PCM1: variants seen among roughly 807,000 people sequenced by gnomAD.
The protein encoded by PCM1 is pericentriolar material 1 protein.
PCM1 carries 157 observed loss-of-function variants against 241.9 expected under a neutral mutation model. The ratio of observed to expected loss-of-function variants is 0.65; its 90% CI spans 0.57 to 0.74. PCM1 has a LOEUF of 0.74. Ranked by LOEUF, PCM1 falls within the 30% of genes least tolerant of loss-of-function variation. The probability of loss-of-function intolerance (pLI) is 0.00; values close to 1 mark genes in which losing one functional copy is unlikely to be tolerated. For synonymous variants in PCM1, 1,085 were observed against 784.9 expected (o/e 1.38, Z -6.39); for missense variants, 3,478 against 2,360.1 (o/e 1.47, Z -9.81).
chr8:17,927,965 T>A (rs764385061), intron 2 of PCM1: 2 of 148,764 alleles, frequency 1.3e-5, no homozygotes, highest in East Asian at 3.9e-4. Context: ...CCACTAAGGC[T>A]GTTAAAAATA....
At chr8:17,976,073 C>A (rs1440984991) in intron 23 of PCM1, among the ~76,000 whole-genome samples, 1 of 152,164 alleles carries the variant, frequency 6.6e-6, no homozygotes, top group East Asian at 1.9e-4. Flanking sequence ...TGAATCTTTT[C>A]ATTTCTTCCT....
intron 35 of PCM1, among the ~76,000 whole-genome samples, chr8:18,014,297 A>T (rs905472555): frequency 1.3e-5 from 2 of 151,824 alleles, no homozygotes; most frequent in African/African-American, 4.8e-5. Context: ...TTTAGATACA[A>T]ATAATGGTAG....
intron 24 of PCM1, among the ~76,000 whole-genome samples, chr8:17,981,764 G>A (rs1217062003): frequency 6.6e-6 from 1 of 152,062 alleles, no homozygotes; most frequent in Non-Finnish European, 1.5e-5. Context: ...GTCAAAGAGG[G>A]AACTTTTTTT....
chr8:17,935,657 A>C lies in PCM1; in HGVS notation c.47A>C (p.Asp16Ala). The change falls in exon 3 of 39, where the codon GAT becomes GCT. Residue 16 changes from aspartate to alanine, a missense_variant. Asp to Ala is a moderately radical substitution (Grantham distance 126, BLOSUM62 -2). Transcript: ENST00000325083. ...TTTGAAGATGGCATGAATGATCAGG[A>C]TTTACCAAACTGGAGTAATGAGAAT... ...GPFEDGMNDQ[D>A]LPNWSNENVD... 6.4e-7 allele frequency: 1 copy of C among 1,571,164 alleles called. No individual in the cohort carries two copies. Among genetic ancestry groups the C allele is most frequent in the African/African-American group, 1.3e-5 (1 of 74,180 alleles).
At chr8:17,972,746 C>T (rs201023775) in intron 23 of PCM1, 59 bp downstream of exon 23, 18 of 999,610 alleles carry the variant, frequency 1.8e-5, no homozygotes, top group Non-Finnish European at 2.6e-5. Context: ...CTTACTTTGA[C>T]ATGTTGACAT....
chr8:17,955,903 A>T, intron 10 of PCM1: 1 of 494,302 alleles, frequency 2.0e-6, no homozygotes. Context: ...CAAAAATAAG[A>T]TTACAGTTAA....
At chr8:18,019,402 GTT>G (rs1420982898) in intron 36 of PCM1, among the ~76,000 whole-genome samples, 2 of 152,218 alleles carry the variant, frequency 1.3e-5, no homozygotes, top group East Asian at 3.9e-4. Flanking sequence ...AAGGGGGATG[GTT>G]TCAGGATGAT....
chr8:17,980,060 A>C (rs532920258), intron 23 of PCM1, among the ~76,000 whole-genome samples: 5 of 151,860 alleles, frequency 3.3e-5, no homozygotes, highest in Middle Eastern at 3.4e-3. Context: ...TGTGGAACAA[A>C]AAAAAAAAAG....
rs1222688969 is a variant in PCM1 at position 17,935,581 on chromosome 8, T to C, written c.-22-8T>C. The C allele has an allele frequency of 1.0e-6, 1 of 962,326 alleles. No homozygotes were observed. 59.6% of individuals were successfully genotyped at this position (962,326 alleles called of 1,614,324 possible). On this transcript the variant is annotated splice_region_variant and splice_polypyrimidine_tract_variant and intron_variant, in intron 2 of 38. Coordinates refer to ENST00000325083, the MANE Select transcript of PCM1 (RefSeq NM_006197.4). ...GTTATAAAGCTCAGTTCTTAACTTGTTTCGCAGAGAGTTAATTGTTAAATC... is the reference window on the plus strand; with the variant it reads ...GTTATAAAGCTCAGTTCTTAACTTGCTTCGCAGAGAGTTAATTGTTAAATC...
intron 29 of PCM1, among the ~76,000 whole-genome samples, chr8:17,998,364 A>C (rs537950422): frequency 1.1e-4 from 16 of 152,258 alleles, no homozygotes; most frequent in Non-Finnish European, 1.9e-4. Context: ...CAGGTATTCA[A>C]AGGGACTTGG....
rs1237820512 is a variant in PCM1 at position 17,991,438 on chromosome 8, T to A, written c.4532-104T>A. 1.6e-5 allele frequency: 14 copies of A among 899,544 alleles called. 1 individual carries two copies. Among genetic ancestry groups the A allele is most frequent in the Middle Eastern group, 2.9e-4 (1 of 3,394 alleles). The allele number at this position is 899,544 out of a possible 1,614,324, so 55.7% of individuals were successfully genotyped here. A position where few individuals can be genotyped will look rare whatever the true frequency, so the allele number is the denominator to read the frequency against. ...AGTGTGTAGAACTTGTTAAAGCTAA[T>A]TTTCCTCCCTTTTGTTTGGACATTT... On this transcript the variant is annotated intron_variant, in intron 27 of 38. Transcript: ENST00000325083.
chr8:17,958,146 G>T (rs1219778468), intron 13 of PCM1, among the ~76,000 whole-genome samples: 1 of 151,918 alleles, frequency 6.6e-6, no homozygotes, highest in African/African-American at 2.4e-5. Flanking sequence ...TTGTTGTTTT[G>T]CTGACAACTC....
Position 17,966,237 on chromosome 8 carries a change from G to T in PCM1, c.3075+19G>T, listed in dbSNP as rs747218605. The T allele has an allele frequency of 1.9e-6, 3 of 1,609,796 alleles. No homozygotes were observed. ...CCAGCAGGTAAAATTTGCTATGAAA[G>T]TATATTTTTCGTCTATTTTTATAAC... On this transcript the variant is annotated intron_variant, in intron 19 of 38. Transcript: ENST00000325083.
chr8:17,935,448 C>A (rs554208057), intron 2 of PCM1, 141 bp from the exon 3 acceptor site: 1 of 571,568 alleles, frequency 1.7e-6, no homozygotes, highest in African/African-American at 1.9e-5. Flanking sequence ...ATCAATTTGT[C>A]TGTGATGTGG....
At position 17,972,675 on chromosome 8, in the gene PCM1, G is replaced by A. The variant is rs756848394; in HGVS notation, c.3931G>A (p.Val1311Ile). ...GAATTCTACTCAGCTGAAAAGCAGA[G>A]TTAAAAACATCAGTAAGTGTTGAAA... ...KRNSTQLKSR[V>I]KNIRYESASM... The change falls in exon 23 of 39, where the codon GTT (valine) becomes ATT (isoleucine). Residue 1311 changes from valine to isoleucine, a missense_variant. Val to Ile is a conservative substitution (Grantham distance 29). Coordinates refer to ENST00000325083, the MANE Select transcript of PCM1 (RefSeq NM_006197.4). 9.7e-6 allele frequency: 15 copies of A among 1,538,796 alleles called. No homozygotes were observed. The highest frequency in any genetic ancestry group is 8.7e-7 in the Non-Finnish European group (1 of 1,145,130).
intron 26 of PCM1, among the ~76,000 whole-genome samples, chr8:17,987,021 A>T (rs2082834986): frequency 6.6e-6 from 1 of 151,420 alleles, no homozygotes; most frequent in Non-Finnish European, 1.5e-5. Context: ...TTTAACTTCT[A>T]CTCGTGTTTA....
intron 2 of PCM1, among the ~76,000 whole-genome samples, chr8:17,932,854 A>T (rs550307140): frequency 2.1e-4 from 32 of 152,318 alleles, no homozygotes; most frequent in Admixed American, 9.1e-4. Flanking sequence ...GATATAAGGC[A>T]GCCTTTCTCA....
chr8:17,965,972 G>C, intron 18 of PCM1, 27 bp from the exon 19 acceptor site: 2 of 1,545,570 alleles, frequency 1.3e-6, no homozygotes, highest in African/African-American at 1.4e-5. Context: ...TATGTATGAT[G>C]ACTTAATGCT....
chr8:17,991,434 C>G, intron 27 of PCM1, 108 bp from the exon 28 acceptor site: 1 of 839,992 alleles, frequency 1.2e-6, no homozygotes, highest in South Asian at 1.8e-5. Context: ...CTTGTTAAAG[C>G]TAATTTTCCT....
Sources: allele counts gnomAD v4.1 joint callset (sites outside exome capture counted in the v4.1 genomes callset), GRCh38; gene constraint gnomAD v4.1.1; transcripts MANE v1.5; gene names NCBI Gene and HGNC (gene_info 2026-07-23, HGNC 2026-07-21).